The following FHIT variants were observed in gnomAD, a reference collection of about 807,000 sequenced individuals.
FHIT encodes the protein fragile histidine triad diadenosine triphosphatase, also known as bis(5'-adenosyl)-triphosphatase.
FHIT carries 19 observed loss-of-function variants against 17.9 expected under a neutral mutation model. That is an observed-to-expected ratio of 1.06 (90% CI 0.74 to 1.56). The LOEUF (loss-of-function observed/expected upper bound fraction) is 1.56. Among genes scored for constraint, FHIT ranks in the 40% most tolerant of loss-of-function variants. The pLI, the probability that FHIT is intolerant of heterozygous loss-of-function variation, is 0.00. For synonymous variants in FHIT, 81 were observed against 69.7 expected, an observed-to-expected ratio of 1.16 and a Z score of -0.81; for missense variants, 248 against 189.2, an observed-to-expected ratio of 1.31 and a Z score of -1.82.
At chr3:60,173,852 C>CA (rs1701525670) in intron 5 of FHIT, among the ~76,000 whole-genome samples, 1 of 121,198 alleles carries the variant, frequency 8.3e-6, no homozygotes, top group South Asian at 2.7e-4. Flanking sequence ...TTTTCAGGAT[C>CA]AATGGTGGTG....
chr3:61,083,063 T>C (rs2035191946), intron 2 of FHIT, among the ~76,000 whole-genome samples: 1 of 152,250 alleles, frequency 6.6e-6, no homozygotes, highest in Admixed American at 6.5e-5. Context: ...TTCTGTGGCT[T>C]GCCTTTTCTC....
At chr3:60,393,432 A>G (rs1009232348) in intron 5 of FHIT, among the ~76,000 whole-genome samples, 14 of 149,702 alleles carry the variant, frequency 9.4e-5, no homozygotes, top group African/African-American at 3.4e-4. Context: ...AATTTTACAT[A>G]TAACTTATGT....
chr3:60,603,352 C>G (rs1487099333), intron 4 of FHIT, among the ~76,000 whole-genome samples: 1 of 152,148 alleles, frequency 6.6e-6, no homozygotes, highest in Non-Finnish European at 1.5e-5. Context: ...AATTTAACAT[C>G]TTTATTGATA....
chr3:59,990,719 T>A (rs1458128510), intron 7 of FHIT, among the ~76,000 whole-genome samples: 1 of 152,016 alleles, frequency 6.6e-6, no homozygotes, highest in African/African-American at 2.4e-5. Flanking sequence ...TGTGGCTCAA[T>A]AACCACTTGG....
intron 5 of FHIT, among the ~76,000 whole-genome samples, chr3:60,371,721 G>A (rs1403603979): frequency 6.6e-6 from 1 of 151,976 alleles, no homozygotes; most frequent in Non-Finnish European, 1.5e-5. Context: ...CCAGATAGCT[G>A]AGCATTCATA....
chr3:60,535,645 A>G (rs1429276803), intron 5 of FHIT, among the ~76,000 whole-genome samples: 3 of 152,026 alleles, frequency 2.0e-5, no homozygotes, highest in Non-Finnish European at 2.9e-5. Flanking sequence ...GACTCATTTA[A>G]AAGAAGAGTT....
At chr3:60,394,054 T>C (rs928339009) in intron 5 of FHIT, among the ~76,000 whole-genome samples, 1 of 152,112 alleles carries the variant, frequency 6.6e-6, no homozygotes, top group Non-Finnish European at 1.5e-5. Context: ...TCTCTCAGGA[T>C]AGGCTTATGG....
At chr3:60,669,017 T>G (rs1443835393) in intron 4 of FHIT, among the ~76,000 whole-genome samples, 1 of 152,214 alleles carries the variant, frequency 6.6e-6, no homozygotes, top group African/African-American at 2.4e-5. Flanking sequence ...ATATTTCCAT[T>G]CATTTTTTGG....
At chr3:60,638,094 A>T (rs2039634174) in intron 4 of FHIT, among the ~76,000 whole-genome samples, 1 of 152,194 alleles carries the variant, frequency 6.6e-6, no homozygotes, top group African/African-American at 2.4e-5. Context: ...AAGAGTAAAA[A>T]TCAATGGTCA....
chr3:60,830,082 C>T (rs1007793492), intron 3 of FHIT, among the ~76,000 whole-genome samples: 3 of 152,116 alleles, frequency 2.0e-5, no homozygotes, highest in African/African-American at 7.2e-5. Context: ...TGACTATCCC[C>T]CATACCCTTC....
intron 5 of FHIT, among the ~76,000 whole-genome samples, chr3:60,015,416 C>T (rs189298678): frequency 4.6e-5 from 7 of 152,248 alleles, no homozygotes; most frequent in South Asian, 2.1e-4. Context: ...AGAAGGGAGG[C>T]GTTCACCCAC....
At chr3:60,558,046 T>G (rs2036802360) in intron 4 of FHIT, among the ~76,000 whole-genome samples, 1 of 152,088 alleles carries the variant, frequency 6.6e-6, no homozygotes. Context: ...AGTGATCTTG[T>G]TTAGAAGACC....
At chr3:59,774,231 C>G (rs1420722947) in intron 8 of FHIT, among the ~76,000 whole-genome samples, 1 of 152,196 alleles carries the variant, frequency 6.6e-6, no homozygotes, top group Non-Finnish European at 1.5e-5. Flanking sequence ...GTCACACTCA[C>G]TCATTTACTG....
Position 60,831,529 on chromosome 3 carries a change from A to G in FHIT, c.-110-9518T>C, listed in dbSNP as rs1205378797. Among the ~76,000 whole-genome samples, 2 of 152,132 alleles carry G rather than the reference A, an allele frequency of 1.3e-5. 1 individual carries two copies. Among genetic ancestry groups the G allele is most frequent in the East Asian group, 3.8e-4 (2 of 5,200 alleles). ...AACCAATTAGATAGCAAAATGGAGA[A>G]GAGAGAGCACTGAATAAAAAGACCT... On this transcript the variant is annotated intron_variant, in intron 3 of 9. Transcript: ENST00000492590.
intron 5 of FHIT, among the ~76,000 whole-genome samples, chr3:60,534,405 A>G (rs2035902808): frequency 8.1e-6 from 1 of 122,720 alleles, no homozygotes; most frequent in African/African-American, 3.1e-5. Flanking sequence ...TGCAGTCCGC[A>G]GTCCGGCCTG....
intron 2 of FHIT, among the ~76,000 whole-genome samples, chr3:61,145,394 G>C (rs2037197016): frequency 1.3e-5 from 2 of 151,998 alleles, no homozygotes; most frequent in African/African-American, 4.8e-5. Context: ...TTTTTTGTTA[G>C]TACCACACAG....
intron 5 of FHIT, among the ~76,000 whole-genome samples, chr3:60,242,949 C>CTA (rs1705209113): frequency 6.6e-6 from 1 of 151,946 alleles, no homozygotes; most frequent in South Asian, 2.1e-4. Context: ...TTAGTCTAAT[C>CTA]TCCAAGCCAC....
intron 4 of FHIT, among the ~76,000 whole-genome samples, chr3:60,591,178 T>C (rs1411203492): frequency 6.6e-6 from 1 of 152,008 alleles, no homozygotes; most frequent in Non-Finnish European, 1.5e-5. Flanking sequence ...TAAAACATAT[T>C]TTCCATTACA....
intron 5 of FHIT, among the ~76,000 whole-genome samples, chr3:60,113,516 A>G (rs1378441069): frequency 6.6e-6 from 1 of 151,784 alleles, no homozygotes; most frequent in Non-Finnish European, 1.5e-5. Context: ...CAGTCACTGT[A>G]CCCTACTATT....
Sources: allele counts gnomAD v4.1 joint callset (sites outside exome capture counted in the v4.1 genomes callset), GRCh38; gene constraint gnomAD v4.1.1; transcripts MANE v1.5; gene names NCBI Gene and HGNC (gene_info 2026-07-23, HGNC 2026-07-21).